Variants in PTCD3 observed in about 807,000 individuals in gnomAD.
PTCD3 encodes pentatricopeptide repeat domain 3.
In PTCD3, 89 loss-of-function variants were observed where a neutral mutation model predicts 101.9. That is an observed-to-expected ratio of 0.87 (90% confidence interval 0.74 to 1.04). The LOEUF is 1.04. Ranked by LOEUF, PTCD3 falls within the 50% of genes least tolerant of loss-of-function variation. The pLI, the probability that PTCD3 is intolerant of heterozygous loss-of-function variation, is 0.00. For missense variants in PTCD3, 870 were observed against 828.2 expected, an observed-to-expected ratio of 1.05 and a Z score of -0.62; for synonymous variants, 296 against 278.5, an observed-to-expected ratio of 1.06 and a Z score of -0.63.
intron 4 of PTCD3, among the ~76,000 whole-genome samples, chr2:86,113,637 C>T (rs1674127611): frequency 6.6e-6 from 1 of 151,966 alleles, no homozygotes; most frequent in Non-Finnish European, 1.5e-5. Flanking sequence ...GAAACCCTGT[C>T]TCTACAAAAA....
chr2:86,110,069 T>C (rs1674047358), intron 3 of PTCD3, among the ~76,000 whole-genome samples: 1 of 152,220 alleles, frequency 6.6e-6, no homozygotes, highest in Non-Finnish European at 1.5e-5. Flanking sequence ...ATGATACCTT[T>C]TAAAGTAACC....
intron 17 of PTCD3, 164 bp from the exon 18 acceptor site, chr2:86,133,014 C>T (rs1674520038): frequency 2.7e-6 from 3 of 1,118,356 alleles, no homozygotes; most frequent in Non-Finnish European, 3.7e-6. Flanking sequence ...GAGAAGTCAG[C>T]ACACACTGGC....
At chr2:86,110,451 T>C (rs557126125) in intron 3 of PTCD3, among the ~76,000 whole-genome samples, 2 of 152,376 alleles carry the variant, frequency 1.3e-5, no homozygotes, top group East Asian at 3.9e-4. Context: ...ACACATTAAA[T>C]CTAACATAGG....
chr2:86,107,038 GTAA>G, intron 1 of PTCD3: 1 of 454,078 alleles, frequency 2.2e-6, no homozygotes, highest in South Asian at 1.6e-5. Context: ...ACTAGAGTTG[GTAA>G]TAACCATCCG....
chr2:86,136,071 G>A (rs1053063586), intron 21 of PTCD3: 5 of 516,088 alleles, frequency 9.7e-6, no homozygotes, highest in African/African-American at 1.9e-5. Context: ...GGAAACAGCA[G>A]GTTCTGTTCT....
chr2:86,112,912 G>A (rs1466758717), intron 4 of PTCD3, among the ~76,000 whole-genome samples: 4 of 152,066 alleles, frequency 2.6e-5, no homozygotes, highest in African/African-American at 9.7e-5. Flanking sequence ...GGGACGATTT[G>A]GCTGTAGTAT....
At position 86,117,029 on chromosome 2, in the gene PTCD3, G is replaced by A. The variant is rs142284469; in HGVS notation, c.310-26G>A. The A allele has an allele frequency of 2.8e-4, 247 of 883,778 alleles. 1 individual carries two copies. The African/African-American group carries it at 3.8e-3, about 14-fold the overall frequency. 54.7% of individuals were successfully genotyped at this position (883,778 alleles called of 1,614,324 possible). On this transcript the variant is annotated intron_variant, in intron 5 of 23. Transcript: ENST00000254630. Reference sequence around the variant, plus strand: ...AATCTTGCTTGAGTTTAAATTACATGTATTTAAATCTTTTTCTTTATATAG... The same window carrying A: ...AATCTTGCTTGAGTTTAAATTACATATATTTAAATCTTTTTCTTTATATAG...
chr2:86,110,857 G>T, intron 3 of PTCD3: 1 of 700,062 alleles, frequency 1.4e-6, no homozygotes, highest in South Asian at 1.5e-5. Flanking sequence ...AGGGCGGGAT[G>T]GAAATCACTA....
chr2:86,106,486 C>G, intron 1 of PTCD3, 135 bp downstream of exon 1: 2 of 799,254 alleles, frequency 2.5e-6, no homozygotes, highest in South Asian at 1.7e-5. Flanking sequence ...GCCCTTAAGA[C>G]CAGGTACGCG....
intron 4 of PTCD3, 108 bp downstream of exon 4, chr2:86,111,266 T>A: frequency 9.6e-7 from 1 of 1,044,278 alleles, no homozygotes. Flanking sequence ...TACTCAGAAT[T>A]AAACTGTTGT....
At chr2:86,132,965 A>G (rs990199523) in intron 17 of PTCD3, 4 of 633,682 alleles carry the variant, frequency 6.3e-6, no homozygotes, top group Admixed American at 6.8e-5. Flanking sequence ...TACAGAGGAA[A>G]CAGTTAGAAA....
At chr2:86,137,198 A>C (rs1674602595) in intron 23 of PTCD3, 58 bp downstream of exon 23, 1 of 1,492,254 alleles carries the variant, frequency 6.7e-7, no homozygotes, top group African/African-American at 1.4e-5. Flanking sequence ...CCATCTGCCC[A>C]TTCAAAATGT....
intron 3 of PTCD3, 21 bp from the exon 4 acceptor site, chr2:86,111,092 A>T: frequency 1.9e-6 from 3 of 1,607,914 alleles, no homozygotes; most frequent in Non-Finnish European, 2.6e-6. Context: ...ATGAGGATTA[A>T]CTTGTGGTTC....
intron 8 of PTCD3, among the ~76,000 whole-genome samples, chr2:86,122,951 G>T (rs1674317766): frequency 6.6e-6 from 1 of 152,114 alleles, no homozygotes; most frequent in Admixed American, 6.5e-5. Context: ...TATAAATAAA[G>T]ACAAGATTTA....
Position 86,137,092 on chromosome 2 carries a change from G to T in PTCD3, c.1931G>T (p.Gly644Val). The T allele has an allele frequency of 1.9e-6, 3 of 1,610,804 alleles. No individual in the cohort carries two copies. Residue 644 changes from glycine to valine, a missense_variant, in exon 23 of 24, where the codon GGC becomes GTC. Physicochemically the swap from Gly to Val is moderately radical, Grantham distance 109 (BLOSUM62 -3). Coordinates refer to ENST00000254630, the MANE Select transcript of PTCD3 (RefSeq NM_017952.6). The stretch of plus-strand genomic sequence containing the variant: ...GCCTTCAGCTTACCTATTTGTGAGG[G>T]CCTCACCCAGAGAGTAATGAGTGAT... ...ASAFSLPICE[G>V]LTQRVMSDFA...
At chr2:86,117,649 G>A (rs775342889) in intron 6 of PTCD3, among the ~76,000 whole-genome samples, 38 of 151,962 alleles carry the variant, frequency 2.5e-4, no homozygotes, top group Non-Finnish European at 4.9e-4. Flanking sequence ...AGAGAACAGG[G>A]TCTTGTCTCA....
intron 7 of PTCD3, among the ~76,000 whole-genome samples, chr2:86,120,684 C>T (rs1674264232): frequency 6.6e-6 from 1 of 152,262 alleles, no homozygotes; most frequent in East Asian, 1.9e-4. Flanking sequence ...TGCTTGAGCC[C>T]AGGAGTTCAA....
rs148372639 is a variant in PTCD3, at chr2:86,119,207, T to G, written c.538+163T>G. On this transcript the variant is annotated intron_variant, in intron 7 of 23. Coordinates refer to ENST00000254630, the MANE Select transcript of PTCD3 (RefSeq NM_017952.6). ...TTAGTAGTTTATTTCATTTTTAGCTTTAGTGTTACTTAAGAATTACAGGCG... is the reference window on the plus strand; with the variant it reads ...TTAGTAGTTTATTTCATTTTTAGCTGTAGTGTTACTTAAGAATTACAGGCG... The G allele has an allele frequency of 5.4e-5, 49 of 912,264 alleles. No homozygotes were observed. In the East Asian group the frequency reaches 1.4e-3, roughly 26 times the overall value. The allele number at this position is 912,264 out of a possible 1,614,324, so 56.5% of individuals were successfully genotyped here.
chr2:86,123,596 T>G, intron 8 of PTCD3, 105 bp from the exon 9 acceptor site: 9 of 818,582 alleles, frequency 1.1e-5, no homozygotes, highest in Non-Finnish European at 1.5e-5. Context: ...CTATGTTTCC[T>G]TTATTTTTCT....
Sources: allele counts gnomAD v4.1 joint callset (sites outside exome capture counted in the v4.1 genomes callset), GRCh38; gene constraint gnomAD v4.1.1; transcripts MANE v1.5; gene names NCBI Gene and HGNC (gene_info 2026-07-23, HGNC 2026-07-21).